The following ACTN1 variants were observed in gnomAD, a reference collection of about 807,000 sequenced individuals.
The protein encoded by ACTN1 is actinin alpha 1, also known as alpha-actinin-1.
Under a neutral mutation model 119.6 loss-of-function variants are expected in ACTN1, and 30 were observed. That is an observed-to-expected ratio of 0.25 (90% CI 0.19 to 0.34). The LOEUF (loss-of-function observed/expected upper bound fraction) is 0.34, where lower values mean the gene tolerates loss of function less well. ACTN1 is among the 10% of genes least tolerant of loss of function. The pLI is 1.00. For missense variants in ACTN1, 764 were observed against 1,223.4 expected (o/e 0.62, Z 5.60); for synonymous variants, 429 against 472.6 (o/e 0.91, Z 1.20).
At chr14:68,916,131 G>T (rs2140322969) in intron 3 of ACTN1, among the ~76,000 whole-genome samples, 1 of 152,330 alleles carries the variant, frequency 6.6e-6, no homozygotes, top group South Asian at 2.1e-4. Flanking sequence ...TTCATAAACA[G>T]TGTTTAAAAT....
rs781078800 is a variant in ACTN1, at chr14:68,874,838, A to G, written c.*21T>C. On this transcript the variant is annotated 3_prime_UTR_variant, in exon 22 of 22. Transcript: ENST00000394419. ...AAGGCAGGGCACGGCGCACAAGACG[A>G]GGGCGGCCGGGCGGGGTGGATTAGA... 6.5e-7 allele frequency: 1 copy of G among 1,550,138 alleles called. No homozygotes were observed. Among genetic ancestry groups the G allele is most frequent in the Non-Finnish European group, 8.8e-7 (1 of 1,141,542 alleles).
At chr14:68,890,094 G>T in intron 11 of ACTN1, 45 bp downstream of exon 11, 2 of 1,601,658 alleles carry the variant, frequency 1.2e-6, no homozygotes, top group Non-Finnish European at 8.5e-7. Context: ...TGAAGAGTAG[G>T]GAAGTGAAGC....
At chr14:68,962,452 G>A (rs1028444681) in intron 1 of ACTN1, among the ~76,000 whole-genome samples, 1 of 152,120 alleles carries the variant, frequency 6.6e-6, no homozygotes, top group Non-Finnish European at 1.5e-5. Flanking sequence ...GTGCCCACAG[G>A]TCACTTACCC....
intron 6 of ACTN1, among the ~76,000 whole-genome samples, chr14:68,907,713 T>C (rs553961675): frequency 2.0e-5 from 3 of 152,166 alleles, no homozygotes; most frequent in Non-Finnish European, 4.4e-5. Flanking sequence ...ACCCCTGGAC[T>C]TTCACCTCCC....
At chr14:68,955,179 G>T (rs543613830) in intron 1 of ACTN1, among the ~76,000 whole-genome samples, 1 of 152,200 alleles carries the variant, frequency 6.6e-6, no homozygotes. Context: ...GCAGCCAGAG[G>T]GTTTCTTGAC....
chr14:68,898,414 C>T (rs2033029669), intron 8 of ACTN1, among the ~76,000 whole-genome samples: 2 of 152,210 alleles, frequency 1.3e-5, no homozygotes, highest in South Asian at 2.1e-4. Context: ...TACAGGCACA[C>T]GAGCTGTGCA....
chr14:68,967,813 C>A (rs1402301400), intron 1 of ACTN1, among the ~76,000 whole-genome samples: 1 of 152,194 alleles, frequency 6.6e-6, no homozygotes, highest in African/African-American at 2.4e-5. Flanking sequence ...CATCGTGGCT[C>A]CCCACATCTG....
At chr14:68,957,807 T>G in intron 1 of ACTN1, among the ~76,000 whole-genome samples, 1 of 151,408 alleles carries the variant, frequency 6.6e-6, no homozygotes, top group Non-Finnish European at 1.5e-5. Flanking sequence ...GACAGGGGAG[T>G]AGAGGGGCGT....
intron 1 of ACTN1, among the ~76,000 whole-genome samples, chr14:68,959,108 T>C (rs1451227759): frequency 6.6e-6 from 1 of 152,236 alleles, no homozygotes; most frequent in Non-Finnish European, 1.5e-5. Flanking sequence ...AGAAAACCTC[T>C]GAACTCAGAG....
At chr14:68,923,615 G>A (rs1264057289) in intron 2 of ACTN1, among the ~76,000 whole-genome samples, 1 of 151,904 alleles carries the variant, frequency 6.6e-6, no homozygotes, top group African/African-American at 2.4e-5. Flanking sequence ...TTCAATACCA[G>A]CCTGGCCAAC....
rs147666037 is a variant in ACTN1, at chr14:68,884,806, G to A, written c.1463C>T (p.Ala488Val). Residue 488 changes from alanine to valine, a missense_variant, in exon 13 of 22, where the codon GCC (alanine) becomes GTC (valine). Coordinates refer to ENST00000394419, the MANE Select transcript of ACTN1 (RefSeq NM_001130004.2). Reference sequence around the variant, plus strand: ...AGCTTCCCTTCGCTTCTGAGTTAGGGCCCCCAGATTGTCCCACTGGTCACA... The same window carrying A: ...AGCTTCCCTTCGCTTCTGAGTTAGGACCCCCAGATTGTCCCACTGGTCACA... Reference protein sequence around the residue: ...KICDQWDNLGALTQKRREALE... With the variant: ...KICDQWDNLGVLTQKRREALE... 2.5e-6 allele frequency: 4 copies of A among 1,613,990 alleles called. No individual in the cohort carries two copies. In the African/African-American group the frequency reaches 5.3e-5, roughly 22 times the overall value.
chr14:68,956,498 G>C (rs1013943214), intron 1 of ACTN1, among the ~76,000 whole-genome samples: 8 of 152,130 alleles, frequency 5.3e-5, no homozygotes, highest in African/African-American at 1.9e-4. Flanking sequence ...AGAGCATTTG[G>C]TTCAGGAGGT....
Position 68,882,805 on chromosome 14 carries a change from A to G in ACTN1, c.1818+68T>C. Reference sequence around the variant, plus strand: ...TTTTAAATGAAATTGACAAAAATCAATTAAAATGGACAAAAATCCCTGCCT... The same window carrying G: ...TTTTAAATGAAATTGACAAAAATCAGTTAAAATGGACAAAAATCCCTGCCT... On this transcript the variant is annotated intron_variant, in intron 15 of 21. Transcript: ENST00000394419. The surrounding 1 kb of genome is among the most constrained non-coding windows in gnomAD (Gnocchi z 4.5). 6.4e-7 allele frequency: 1 copy of G among 1,574,542 alleles called. No individual in the cohort carries two copies. Among genetic ancestry groups the G allele is most frequent in the Non-Finnish European group, 8.7e-7 (1 of 1,152,636 alleles).
intron 1 of ACTN1, among the ~76,000 whole-genome samples, chr14:68,973,527 TG>T (rs1411606720): frequency 1.3e-5 from 2 of 152,222 alleles, no homozygotes; most frequent in African/African-American, 4.8e-5. Context: ...CATGCTGAAC[TG>T]TGAGTCAATT....
chr14:68,958,618 C>A (rs1163364175), intron 1 of ACTN1, among the ~76,000 whole-genome samples: 3 of 151,864 alleles, frequency 2.0e-5, no homozygotes, highest in African/African-American at 7.3e-5. Flanking sequence ...CGAGTATGAT[C>A]AAAAAACCCA....
intron 1 of ACTN1, among the ~76,000 whole-genome samples, chr14:68,939,954 A>G (rs772123918): frequency 2.0e-5 from 3 of 152,180 alleles, no homozygotes; most frequent in African/African-American, 4.8e-5. Context: ...GACTGATGTA[A>G]TTGAGCTAGT....
chr14:68,957,158 T>C (rs893612041), intron 1 of ACTN1, among the ~76,000 whole-genome samples: 8 of 152,236 alleles, frequency 5.3e-5, no homozygotes, highest in Admixed American at 1.3e-4. Flanking sequence ...ATGTGTCAGA[T>C]GGGCTGGCCG....
chr14:68,889,694 G>A (rs1566602573), intron 11 of ACTN1, among the ~76,000 whole-genome samples: 2 of 152,176 alleles, frequency 1.3e-5, no homozygotes, highest in Non-Finnish European at 2.9e-5. Context: ...TAGGGCAGGA[G>A]AATCACTTGA....
At chr14:68,937,624 G>C (rs1399845893) in intron 1 of ACTN1, among the ~76,000 whole-genome samples, 1 of 152,188 alleles carries the variant, frequency 6.6e-6, no homozygotes, top group Admixed American at 6.5e-5. Context: ...GTAAGATAAA[G>C]GGCTGTGCTC....
Sources: allele counts gnomAD v4.1 joint callset (sites outside exome capture counted in the v4.1 genomes callset), GRCh38; gene constraint gnomAD v4.1.1; non-coding constraint Gnocchi (gnomAD v3.1); transcripts MANE v1.5; gene names NCBI Gene and HGNC (gene_info 2026-07-23, HGNC 2026-07-21).